The following RIMBP2 variants were observed in gnomAD, a reference collection of about 807,000 sequenced individuals.
RIMBP2 encodes the protein RIMS binding protein 2.
In RIMBP2, 48 loss-of-function variants were observed where a neutral mutation model predicts 118.6. That is an observed-to-expected ratio of 0.40 (90% CI 0.32 to 0.51). The LOEUF (loss-of-function observed/expected upper bound fraction) is 0.51. RIMBP2 is among the 20% of genes least tolerant of loss of function. The probability of loss-of-function intolerance (pLI) is 0.41; values close to 1 mark genes in which losing one functional copy is unlikely to be tolerated. For synonymous variants in RIMBP2, 762 were observed against 742.9 expected, an observed-to-expected ratio of 1.03 and a Z score of -0.42; for missense variants, 1,551 against 1,768.3, an observed-to-expected ratio of 0.88 and a Z score of 2.20.
intron 2 of RIMBP2, among the ~76,000 whole-genome samples, chr12:130,527,630 G>T (rs2052942995): frequency 6.6e-6 from 1 of 151,788 alleles, no homozygotes; most frequent in Non-Finnish European, 1.5e-5. Context: ...CACAGCAAAA[G>T]AAACTATCAT....
chr12:130,434,677 G>T lies in RIMBP2; in HGVS notation c.2253+57C>A. ...GCCCATGTCTCTTGATCTCCACGGG[G>T]CCCGCTCCGAGCCCGCGCCCACCAG... On this transcript the variant is annotated intron_variant, in intron 14 of 22. Transcript: ENST00000690449. The surrounding 1 kb of genome is among the most constrained non-coding windows in gnomAD (Gnocchi z 5.7). 2 of 1,559,414 alleles carry T rather than the reference G, an allele frequency of 1.3e-6. No homozygotes were observed. Among genetic ancestry groups the T allele is most frequent in the Non-Finnish European group, 8.7e-7 (1 of 1,155,330 alleles).
In RIMBP2 at chr12:130,477,709, G is replaced by A. The variant is rs568405119; in HGVS notation, c.102+1203C>T. Among the ~76,000 whole-genome samples, 21 of 152,358 alleles carry A rather than the reference G, an allele frequency of 1.4e-4. No homozygotes were observed. The South Asian group carries it at 4.1e-3, about 30-fold the overall frequency. ...ACAAGCTCTGCTAATAAACTCTGGA[G>A]GAGAAACGCTGCTCCGGCAGATTCC... On this transcript the variant is annotated intron_variant, in intron 5 of 22. Transcript: ENST00000690449.
At chr12:130,628,286 G>C (rs1282609236) in intron 2 of RIMBP2, 36 bp downstream of exon 2, 1 of 152,168 alleles carries the variant, frequency 6.6e-6, no homozygotes, top group African/African-American at 2.4e-5. Context: ...CTGATACAGA[G>C]GAATACTGCT....
chr12:130,648,042 C>T lies in RIMBP2; in HGVS notation c.-351-19586G>A, dbSNP rs867848853. Among the ~76,000 whole-genome samples the T allele has an allele frequency of 5.5e-5, 7 of 128,034 alleles. 1 individual carries two copies. Among genetic ancestry groups the T allele is most frequent in the South Asian group, 4.5e-4 (2 of 4,420 alleles). The allele number at this position is 128,034 out of a possible 152,430, so 84.0% of individuals were successfully genotyped here. ...ATGTGAACACACGTGTGTACACACC[C>T]GCCTCACGTGGTACAGAAAGCCAAA... is the stretch of plus-strand genomic sequence containing the variant. On this transcript the variant is annotated intron_variant, in intron 1 of 22. Coordinates refer to ENST00000690449, the MANE Select transcript of RIMBP2 (RefSeq NM_001393629.1).
Position 130,420,072 on chromosome 12 carries a change from G to T in RIMBP2, c.3238+2381C>A, listed in dbSNP as rs1208762301. On this transcript the variant is annotated intron_variant, in intron 17 of 22. Coordinates refer to ENST00000690449, the MANE Select transcript of RIMBP2 (RefSeq NM_001393629.1). This position sits in a 1 kb window ranked among gnomAD's most constrained non-coding sequence, Gnocchi z 4.3. ...TTGAAATATAGATTTCTAAAATATT[G>T]TTTTCTAGTATTTTCACAAGAAAAA... Among the ~76,000 whole-genome samples the T allele has an allele frequency of 6.6e-6, 1 of 152,106 alleles. No individual in the cohort carries two copies. The highest frequency in any genetic ancestry group is 2.4e-5 in the African/African-American group (1 of 41,424).
At chr12:130,482,762 A>C (rs1242887255) in intron 4 of RIMBP2, among the ~76,000 whole-genome samples, 13 of 149,738 alleles carry the variant, frequency 8.7e-5, no homozygotes, top group African/African-American at 2.9e-4. Context: ...TACATGTGTC[A>C]GATTCTGCAG....
At chr12:130,614,718 A>G (rs2060791578) in intron 2 of RIMBP2, among the ~76,000 whole-genome samples, 1 of 152,162 alleles carries the variant, frequency 6.6e-6, no homozygotes, top group African/African-American at 2.4e-5. Context: ...GGTCAAAGAA[A>G]ATTGTGGTGT....
intron 22 of RIMBP2, chr12:130,399,108 C>A: frequency 7.3e-7 from 1 of 1,376,628 alleles, no homozygotes; most frequent in South Asian, 2.3e-5. Context: ...TTCAGTTGCT[C>A]ACTTACGTGA....
At chr12:130,667,710 A>G (rs1453887590) in intron 1 of RIMBP2, 1 of 152,224 alleles carries the variant, frequency 6.6e-6, no homozygotes. Context: ...AGGTGATATC[A>G]GCCTGACCCC....
chr12:130,470,698 G>A lies in RIMBP2; in HGVS notation c.148C>T (p.Leu50=). 1.6e-6 allele frequency: 2 copies of A among 1,231,994 alleles called. No homozygotes were observed. The highest frequency in any genetic ancestry group is 2.0e-6 in the Non-Finnish European group (2 of 987,892). The allele number at this position is 1,231,994 out of a possible 1,614,324, so 76.3% of individuals were successfully genotyped here. ...KKEHEGAVRL[L]ESKVRELEEK... ...AGCAGGGGCACGCTCCTTACCTCTA[G>A]CAGCCGCACTGCGCCTTCATGCTCC... Residue 50 remains leucine (L), a synonymous_variant, in exon 6 of 23, where the codon CTA becomes TTA. Transcript: ENST00000690449.
At chr12:130,415,885 CA>C in intron 17 of RIMBP2, among the ~76,000 whole-genome samples, 1 of 152,248 alleles carries the variant, frequency 6.6e-6, no homozygotes, top group Admixed American at 6.5e-5. Context: ...GTATAAAAAT[CA>C]GTAGCATTTC....
At chr12:130,636,186 C>T (rs1282827745) in intron 1 of RIMBP2, among the ~76,000 whole-genome samples, 2 of 152,186 alleles carry the variant, frequency 1.3e-5, no homozygotes, top group African/African-American at 4.8e-5. Flanking sequence ...CTCCTTGTCC[C>T]GACATGGCTG....
chr12:130,438,851 G>A (rs979064498), intron 11 of RIMBP2, among the ~76,000 whole-genome samples: 3 of 152,102 alleles, frequency 2.0e-5, no homozygotes, highest in African/African-American at 4.8e-5. Flanking sequence ...CTGTCCAGGG[G>A]TCTCAGGCCT....
At chr12:130,547,256 A>G (rs2055271394) in intron 2 of RIMBP2, among the ~76,000 whole-genome samples, 1 of 152,258 alleles carries the variant, frequency 6.6e-6, no homozygotes, top group African/African-American at 2.4e-5. Context: ...ACGCTCACAC[A>G]GAAAGAGTTC....
intron 6 of RIMBP2, among the ~76,000 whole-genome samples, chr12:130,462,753 G>A (rs1173369651): frequency 2.0e-5 from 3 of 152,230 alleles, no homozygotes; most frequent in East Asian, 1.9e-4. Flanking sequence ...AGGGCAGAGC[G>A]CTGGCACCAC....
chr12:130,668,584 C>CG (rs901851225), intron 1 of RIMBP2: 3 of 152,374 alleles, frequency 2.0e-5, no homozygotes, highest in African/African-American at 4.8e-5. Context: ...AAAGAACACT[C>CG]GGGGGCCATA....
At chr12:130,404,289 A>T (rs1182692671) in intron 21 of RIMBP2, among the ~76,000 whole-genome samples, 3 of 152,152 alleles carry the variant, frequency 2.0e-5, no homozygotes, top group Non-Finnish European at 4.4e-5. Context: ...TCATAATAAG[A>T]TCTATATAAT....
intron 22 of RIMBP2, chr12:130,398,959 T>C (rs1022511258): frequency 2.8e-6 from 1 of 363,118 alleles, no homozygotes. Flanking sequence ...GACCAAGTAA[T>C]ATTCTAATTA....
At chr12:130,506,440 C>T (rs1389221088) in intron 4 of RIMBP2, among the ~76,000 whole-genome samples, 6 of 152,236 alleles carry the variant, frequency 3.9e-5, no homozygotes, top group East Asian at 3.9e-4. Flanking sequence ...ATTGGCTTTA[C>T]GGGATTGCTT....
Sources: gnomAD v4.1 joint callset for allele counts (sites outside exome capture counted in the v4.1 genomes callset) on GRCh38, gnomAD v4.1.1 for gene constraint, Gnocchi (gnomAD v3.1) non-coding constraint, MANE v1.5 for transcripts, NCBI Gene and HGNC (gene_info 2026-07-23, HGNC 2026-07-21) for gene names.